OR3A2: variants seen among roughly 807,000 people sequenced by gnomAD.
OR3A2 encodes the protein olfactory receptor 3A2.
For synonymous variants in OR3A2, 126 were observed against 159.3 expected, an observed-to-expected ratio of 0.79 and a Z score of 1.57; for missense variants, 318 against 392.8, an observed-to-expected ratio of 0.81 and a Z score of 1.61.
At chr17:3,333,065 A>G (rs2049252089) in intron 3 of OR3A2, among the ~76,000 whole-genome samples, 1 of 152,214 alleles carries the variant, frequency 6.6e-6, no homozygotes, top group Admixed American at 6.5e-5. Context: ...CTATAAATGG[A>G]CGTGCAAGTA....
chr17:3,342,532 G>A (rs2049327755), intron 2 of OR3A2, among the ~76,000 whole-genome samples: 1 of 152,186 alleles, frequency 6.6e-6, no homozygotes, highest in Non-Finnish European at 1.5e-5. Flanking sequence ...TCAGCTGCAG[G>A]TCTGTTAGAG....
intron 1 of OR3A2, among the ~76,000 whole-genome samples, chr17:3,384,170 G>A (rs915708479): frequency 6.6e-6 from 1 of 152,154 alleles, no homozygotes; most frequent in Non-Finnish European, 1.5e-5. Context: ...GCAAAGGGTA[G>A]GTGTGCTAGA....
chr17:3,318,938 T>A (rs749503070), intron 3 of OR3A2, among the ~76,000 whole-genome samples: 1 of 148,330 alleles, frequency 6.7e-6, no homozygotes, highest in East Asian at 1.9e-4. Flanking sequence ...TTTCCTATTG[T>A]AGTTTTACTT....
At chr17:3,361,782 G>C (rs2049519025) in intron 2 of OR3A2, among the ~76,000 whole-genome samples, 1 of 151,608 alleles carries the variant, frequency 6.6e-6, no homozygotes, top group African/African-American at 2.4e-5. Context: ...GATCGAGGTG[G>C]ATACGCTTTT....
chr17:3,285,002 G>C (rs1431817957), upstream of OR3A2, among the ~76,000 whole-genome samples: 1 of 152,042 alleles, frequency 6.6e-6, no homozygotes, highest in Non-Finnish European at 1.5e-5. Flanking sequence ...TCTCTCCTGG[G>C]GACTTGTTAG....
intron 3 of OR3A2, among the ~76,000 whole-genome samples, chr17:3,334,540 A>G (rs36125916): frequency 0.011 from 1,710 of 152,266 alleles, 16 homozygotes; most frequent in Middle Eastern, 0.044. Context: ...TTCATGCCTC[A>G]TTCTGGAAAT....
intron 3 of OR3A2, among the ~76,000 whole-genome samples, chr17:3,328,071 T>C (rs1334647734): frequency 1.4e-5 from 2 of 145,960 alleles, no homozygotes; most frequent in African/African-American, 2.6e-5. Context: ...AACTTTAAAG[T>C]AGTTTTTTCC....
chr17:3,361,462 G>A (rs2049515345), intron 2 of OR3A2, among the ~76,000 whole-genome samples: 1 of 151,672 alleles, frequency 6.6e-6, no homozygotes, highest in East Asian at 1.9e-4. Flanking sequence ...TTGAATAGGA[G>A]TGGTGAGAGA....
intron 2 of OR3A2, among the ~76,000 whole-genome samples, chr17:3,372,414 G>C (rs972653141): frequency 6.6e-6 from 1 of 152,006 alleles, no homozygotes; most frequent in Non-Finnish European, 1.5e-5. Flanking sequence ...TCACTTCCCA[G>C]ACGGGGTGGC....
At chr17:3,308,387 C>T (rs189020876) in intron 3 of OR3A2, among the ~76,000 whole-genome samples, 186 of 152,174 alleles carry the variant, frequency 1.2e-3, no homozygotes, top group Admixed American at 1.8e-3. Flanking sequence ...TCTCTTTGGC[C>T]GGGTGAGTCT....
intron 3 of OR3A2, among the ~76,000 whole-genome samples, chr17:3,297,830 A>C (rs868250001): frequency 7.9e-5 from 12 of 152,296 alleles, no homozygotes; most frequent in Middle Eastern, 3.4e-3. Flanking sequence ...GAGTTGGGAA[A>C]GGCTTTCTGG....
intron 3 of OR3A2, among the ~76,000 whole-genome samples, chr17:3,314,544 G>T (rs757769508): frequency 1.3e-5 from 2 of 152,190 alleles, no homozygotes; most frequent in Non-Finnish European, 2.9e-5. Context: ...CCCGTAAGCT[G>T]CACACGGTGA....
At chr17:3,326,235 G>C (rs913768505) in intron 3 of OR3A2, among the ~76,000 whole-genome samples, 1 of 152,062 alleles carries the variant, frequency 6.6e-6, no homozygotes, top group African/African-American at 2.4e-5. Flanking sequence ...ATTATGAATA[G>C]TGCTGCAATG....
chr17:3,327,945 T>C (rs1236813671), intron 3 of OR3A2, among the ~76,000 whole-genome samples: 1 of 141,562 alleles, frequency 7.1e-6, no homozygotes, highest in African/African-American at 2.9e-5. Context: ...TACCATGCTG[T>C]TTTGGTTACT....
chr17:3,357,081 T>C (rs2049470325), intron 2 of OR3A2, among the ~76,000 whole-genome samples: 2 of 151,814 alleles, frequency 1.3e-5, no homozygotes, highest in African/African-American at 2.4e-5. Context: ...AGAGTGCAAC[T>C]GTTTCACCAC....
intron 2 of OR3A2, among the ~76,000 whole-genome samples, chr17:3,371,857 C>T (rs1157455040): frequency 8.1e-5 from 11 of 135,518 alleles, no homozygotes; most frequent in African/African-American, 1.4e-4. Context: ...CCGGACGGGG[C>T]GGCTGGCCGG....
intron 2 of OR3A2, among the ~76,000 whole-genome samples, chr17:3,345,983 G>C (rs973687913): frequency 2.0e-5 from 3 of 152,156 alleles, no homozygotes; most frequent in Non-Finnish European, 4.4e-5. Context: ...ACATGCAAAG[G>C]ATGAATGAAA....
chr17:3,329,092 G>A (rs1424333730), intron 3 of OR3A2, among the ~76,000 whole-genome samples: 3 of 151,630 alleles, frequency 2.0e-5, no homozygotes, highest in South Asian at 2.1e-4. Flanking sequence ...GCTTTTTGAT[G>A]TGCTGCTGGA....
chr17:3,327,907 T>C (rs1292405895), intron 3 of OR3A2, among the ~76,000 whole-genome samples: 2 of 142,398 alleles, frequency 1.4e-5, no homozygotes, highest in African/African-American at 5.7e-5. Context: ...TTCTGTTCCA[T>C]TGACCTATAT....
Sources: gnomAD v4.1 joint callset for allele counts (sites outside exome capture counted in the v4.1 genomes callset) on GRCh38, gnomAD v4.1.1 for gene constraint, MANE v1.5 for transcripts, NCBI Gene and HGNC (gene_info 2026-07-23, HGNC 2026-07-21) for gene names.